The following RIT2 variants were observed in gnomAD, a reference collection of about 807,000 sequenced individuals.
RIT2 encodes the protein Ras like without CAAX 2, also known as GTP-binding protein Rit2.
RIT2 carries 24 observed loss-of-function variants against 23.7 expected under a neutral mutation model. The observed-to-expected ratio is 1.01, with a 90% confidence interval of 0.73 to 1.43. The LOEUF (loss-of-function observed/expected upper bound fraction) is 1.43. Ranked by LOEUF, RIT2 falls within the 40% of genes most tolerant of loss-of-function variation. The pLI, the probability that RIT2 is intolerant of heterozygous loss-of-function variation, is 0.00. For missense variants in RIT2, 236 were observed against 266.9 expected (o/e 0.88, Z 0.81); for synonymous variants, 107 against 91.1 (o/e 1.17, Z -0.99).
intron 4 of RIT2, among the ~76,000 whole-genome samples, chr18:42,879,521 ACTT>A (rs762010649): frequency 6.6e-6 from 1 of 151,496 alleles, no homozygotes; most frequent in African/African-American, 2.4e-5. Context: ...ATATCACCTG[ACTT>A]CTTTTTTGTT....
chr18:43,029,739 A>G (rs1911812334), intron 2 of RIT2, among the ~76,000 whole-genome samples: 1 of 152,058 alleles, frequency 6.6e-6, no homozygotes, highest in African/African-American at 2.4e-5. Flanking sequence ...TAAGGAAATA[A>G]TATTGAATAA....
At chr18:43,015,807 A>G (rs1911461747) in intron 2 of RIT2, among the ~76,000 whole-genome samples, 1 of 151,794 alleles carries the variant, frequency 6.6e-6, no homozygotes, top group East Asian at 1.9e-4. Flanking sequence ...GGGCATAATC[A>G]CCAGTATTGG....
chr18:42,837,153 C>CTTTTTTTTTTT lies in RIT2; in HGVS notation c.426+86408_426+86418dup, dbSNP rs570701535. Among the ~76,000 whole-genome samples the CTTTTTTTTTTT allele has an allele frequency of 5.6e-3, 290 of 51,704 alleles. 58 individuals carry two copies. The highest frequency in any genetic ancestry group is 7.6e-3 in the Non-Finnish European group (211 of 27,902). 33.9% of individuals were successfully genotyped at this position (51,704 alleles called of 152,430 possible). A position where few individuals can be genotyped will look rare whatever the true frequency, so the allele number is the denominator to read the frequency against. ...TAAAAATTTCTTTTTTTTTCTTTTT[C>CTTTTTTTTTTT]TTTTTTTTTTTTTTTTTTTTTTTTT... On this transcript the variant is annotated intron_variant, in intron 4 of 4. Transcript: ENST00000326695.
chr18:42,842,090 T>C (rs952491830), intron 4 of RIT2, among the ~76,000 whole-genome samples: 1 of 152,238 alleles, frequency 6.6e-6, no homozygotes, highest in Non-Finnish European at 1.5e-5. Context: ...TAGGCTGATA[T>C]GCAACTAATT....
intron 1 of RIT2, among the ~76,000 whole-genome samples, chr18:43,046,442 C>T (rs1912249189): frequency 6.6e-6 from 1 of 152,160 alleles, no homozygotes; most frequent in Admixed American, 6.5e-5. Context: ...TTTCATCTTG[C>T]CTCCACAGTA....
chr18:43,045,896 T>C (rs1374511825), intron 1 of RIT2, among the ~76,000 whole-genome samples: 1 of 152,192 alleles, frequency 6.6e-6, no homozygotes, highest in Non-Finnish European at 1.5e-5. Context: ...GCACACTCTT[T>C]CATGGCCTTA....
chr18:43,031,897 AATTTCCTCTTAAGAGGTCATT>A (rs1320287060), intron 2 of RIT2, among the ~76,000 whole-genome samples: 3 of 152,080 alleles, frequency 2.0e-5, no homozygotes, highest in African/African-American at 7.2e-5. Context: ...TACTAATACG[AATTTCCTCTTAAGAGGTCATT>A]AAGTCAGCCA....
intron 4 of RIT2, among the ~76,000 whole-genome samples, chr18:42,801,827 T>C (rs1346837390): frequency 6.6e-6 from 1 of 152,234 alleles, no homozygotes; most frequent in Non-Finnish European, 1.5e-5. Context: ...TTTCCCATGA[T>C]GCTGTTTTAC....
chr18:42,963,057 C>T (rs989796878), intron 3 of RIT2, among the ~76,000 whole-genome samples: 1 of 152,136 alleles, frequency 6.6e-6, no homozygotes, highest in African/African-American at 2.4e-5. Context: ...GAATAATCCA[C>T]GTTCCTTGAA....
intron 4 of RIT2, among the ~76,000 whole-genome samples, chr18:42,789,019 G>C (rs1437260503): frequency 2.0e-5 from 3 of 152,104 alleles, no homozygotes; most frequent in Non-Finnish European, 4.4e-5. Flanking sequence ...ATTATTCAAA[G>C]ACATTCTTTT....
chr18:42,915,457 T>A lies in RIT2; in HGVS notation c.426+8115A>T, dbSNP rs143513525. 3.1e-3 allele frequency among the ~76,000 whole-genome samples: 468 copies of A among 152,208 alleles called. 2 individuals are homozygous for A. The highest frequency in any genetic ancestry group is 0.011 in the African/African-American group (445 of 41,558). On this transcript the variant is annotated intron_variant, in intron 4 of 4. Coordinates refer to ENST00000326695, the MANE Select transcript of RIT2 (RefSeq NM_002930.4). ...ATTCCATTTCAAGGAACCGATCCAATTCCCCAACAGCTTTGCTTTTTTCTT... is the reference window on the plus strand; with the variant it reads ...ATTCCATTTCAAGGAACCGATCCAAATCCCCAACAGCTTTGCTTTTTTCTT...
intron 4 of RIT2, among the ~76,000 whole-genome samples, chr18:42,843,496 C>G (rs1032815894): frequency 6.6e-6 from 1 of 152,218 alleles, no homozygotes; most frequent in African/African-American, 2.4e-5. Flanking sequence ...GGTGTGACCA[C>G]CTGTCTGGAA....
At chr18:42,972,764 C>T (rs1910391627) in intron 3 of RIT2, among the ~76,000 whole-genome samples, 1 of 151,720 alleles carries the variant, frequency 6.6e-6, no homozygotes, top group Non-Finnish European at 1.5e-5. Flanking sequence ...ACCTTATTTA[C>T]ATTTTGATCC....
chr18:42,781,732 G>A (rs1913816056), intron 4 of RIT2, among the ~76,000 whole-genome samples: 1 of 152,200 alleles, frequency 6.6e-6, no homozygotes, highest in South Asian at 2.1e-4. Context: ...CTTGCCCGTT[G>A]CTTTTCAATT....
At chr18:42,945,534 G>T (rs1347582904) in intron 3 of RIT2, among the ~76,000 whole-genome samples, 1 of 152,156 alleles carries the variant, frequency 6.6e-6, no homozygotes, top group Non-Finnish European at 1.5e-5. Context: ...GGTTTTTGCT[G>T]CATAGGCAAA....
At chr18:42,814,070 G>C (rs1905925413) in intron 4 of RIT2, among the ~76,000 whole-genome samples, 1 of 152,208 alleles carries the variant, frequency 6.6e-6, no homozygotes, top group Admixed American at 6.5e-5. Context: ...AGGCCTGTGA[G>C]CTCACTGTGT....
intron 3 of RIT2, among the ~76,000 whole-genome samples, chr18:42,935,308 G>A (rs1195392781): frequency 3.9e-5 from 6 of 152,170 alleles, no homozygotes; most frequent in Non-Finnish European, 7.4e-5. Flanking sequence ...GTGTGCGGCA[G>A]GGTTGAATGA....
rs11393575 is a variant in RIT2 at position 43,057,798 on chromosome 18, C to CTTTTT, written c.104-23936_104-23932dup. On this transcript the variant is annotated intron_variant, in intron 1 of 4. Transcript: ENST00000326695. ...GAGCTAATCTTCCAAGTGATGGACA[C>CTTTTT]TTTTTTTTTTTTTTTTTATCATCTA... is the stretch of plus-strand genomic sequence containing the variant. Among the ~76,000 whole-genome samples the CTTTTT allele has an allele frequency of 1.1e-3, 134 of 122,670 alleles. 5 individuals carry two copies. Among genetic ancestry groups the CTTTTT allele is most frequent in the African/African-American group, 3.6e-3 (118 of 32,964 alleles). The allele number at this position is 122,670 out of a possible 152,430, so 80.5% of individuals were successfully genotyped here. A position where few individuals can be genotyped will look rare whatever the true frequency, so the allele number is the denominator to read the frequency against.
intron 4 of RIT2, among the ~76,000 whole-genome samples, chr18:42,809,789 A>G (rs1905783847): frequency 6.8e-6 from 1 of 147,590 alleles, no homozygotes; most frequent in East Asian, 2.0e-4. Flanking sequence ...AAATATCCCA[A>G]GTAAACTGAT....
Sources: gnomAD v4.1 joint callset for allele counts (sites outside exome capture counted in the v4.1 genomes callset) on GRCh38, gnomAD v4.1.1 for gene constraint, MANE v1.5 for transcripts, NCBI Gene and HGNC (gene_info 2026-07-23, HGNC 2026-07-21) for gene names.